The following DLGAP2 variants were observed in gnomAD, a reference collection of about 807,000 sequenced individuals.
The protein encoded by DLGAP2 is disks large-associated protein 2.
Under a neutral mutation model 100.3 loss-of-function variants are expected in DLGAP2, and 26 were observed. The observed-to-expected ratio is 0.26, with a 90% CI of 0.19 to 0.36. DLGAP2 has a LOEUF of 0.36. DLGAP2 is among the 10% of genes least tolerant of loss of function. DLGAP2 has a pLI of 1.00. For synonymous variants in DLGAP2, 886 were observed against 630.1 expected, an observed-to-expected ratio of 1.41 and a Z score of -6.08; for missense variants, 1,858 against 1,453.2, an observed-to-expected ratio of 1.28 and a Z score of -4.53.
At chr8:764,837 C>G (rs1821171328) in intron 1 of DLGAP2, among the ~76,000 whole-genome samples, 1 of 152,242 alleles carries the variant, frequency 6.6e-6, no homozygotes, top group South Asian at 2.1e-4. Flanking sequence ...ATACTAGCCA[C>G]AGAACTTTAA....
chr8:956,076 G>C (rs2129008875), intron 2 of DLGAP2, among the ~76,000 whole-genome samples: 1 of 152,256 alleles, frequency 6.6e-6, no homozygotes, highest in African/African-American at 2.4e-5. Context: ...TTTTGAGGAT[G>C]GTTACCAACA....
At chr8:1,529,593 G>T (rs1032842570) in intron 4 of DLGAP2, among the ~76,000 whole-genome samples, 5 of 152,176 alleles carry the variant, frequency 3.3e-5, no homozygotes, top group Non-Finnish European at 7.3e-5. Flanking sequence ...TCAAACCCAA[G>T]GCAGGGACTC....
At chr8:1,172,871 TC>T (rs1411004602) in intron 2 of DLGAP2, among the ~76,000 whole-genome samples, 2 of 152,226 alleles carry the variant, frequency 1.3e-5, no homozygotes, top group African/African-American at 4.8e-5. Context: ...GAACCCTTCT[TC>T]TCTCATCTCG....
At chr8:1,102,285 AT>A (rs1804610575) in intron 2 of DLGAP2, among the ~76,000 whole-genome samples, 1 of 147,752 alleles carries the variant, frequency 6.8e-6, no homozygotes, top group Non-Finnish European at 1.5e-5. Flanking sequence ...AATATATAAT[AT>A]AAAAATTACA....
chr8:1,464,259 T>TTCCAGGAAAGCACCTG, intron 3 of DLGAP2, among the ~76,000 whole-genome samples: 1 of 115,542 alleles, frequency 8.7e-6, no homozygotes, highest in Non-Finnish European at 1.8e-5. Context: ...GACGGCTCCC[T>TTCCAGGAAAGCACCTG]TCCAGGACGG....
intron 3 of DLGAP2, among the ~76,000 whole-genome samples, chr8:1,364,482 G>A (rs1802060537): frequency 6.8e-6 from 1 of 148,038 alleles, no homozygotes; most frequent in Non-Finnish European, 1.5e-5. Context: ...GAGGGAGGCG[G>A]GCGCCGGTCA....
At chr8:1,468,114 CA>C (rs1798675508) in intron 3 of DLGAP2, among the ~76,000 whole-genome samples, 1 of 152,232 alleles carries the variant, frequency 6.6e-6, no homozygotes, top group Admixed American at 6.5e-5. Context: ...GACCCAGGGT[CA>C]CAGGAGCAGG....
intron 2 of DLGAP2, among the ~76,000 whole-genome samples, chr8:1,162,152 C>G (rs1796905249): frequency 1.3e-5 from 2 of 152,186 alleles, no homozygotes; most frequent in Admixed American, 1.3e-4. Flanking sequence ...GGAAGCCCTC[C>G]CGGCAGCAGG....
chr8:809,990 G>A (rs1222219770), intron 1 of DLGAP2, among the ~76,000 whole-genome samples: 1 of 152,212 alleles, frequency 6.6e-6, no homozygotes, highest in Non-Finnish European at 1.5e-5. Flanking sequence ...TCAGCTCTGG[G>A]ACTAACTCTG....
chr8:1,135,577 CA>C (rs1796392483), intron 2 of DLGAP2, among the ~76,000 whole-genome samples: 1 of 117,136 alleles, frequency 8.5e-6, no homozygotes, highest in Admixed American at 1.3e-4. Context: ...TGCGGTCTTT[CA>C]GGAGACGGAG....
At chr8:1,628,371 A>T (rs190198982) in intron 7 of DLGAP2, among the ~76,000 whole-genome samples, 2 of 109,592 alleles carry the variant, frequency 1.8e-5, no homozygotes, top group South Asian at 3.3e-4. Flanking sequence ...AGCTTGAGCC[A>T]ACCTCACATT....
intron 2 of DLGAP2, among the ~76,000 whole-genome samples, chr8:1,070,620 A>C (rs546229449): frequency 5.5e-4 from 84 of 152,254 alleles, no homozygotes; most frequent in Middle Eastern, 3.4e-3. Context: ...TTTCACATAC[A>C]TACGCGTATG....
intron 2 of DLGAP2, among the ~76,000 whole-genome samples, chr8:1,030,432 C>G (rs1021863269): frequency 6.6e-6 from 1 of 152,154 alleles, no homozygotes; most frequent in African/African-American, 2.4e-5. Flanking sequence ...GATACAGAAT[C>G]CAAAGGTGCC....
chr8:1,254,926 T>G (rs1251965411), intron 2 of DLGAP2, among the ~76,000 whole-genome samples: 1 of 151,220 alleles, frequency 6.6e-6, no homozygotes, highest in Non-Finnish European at 1.5e-5. Flanking sequence ...AGGTGCTGTG[T>G]GTGTGCCCTC....
intron 3 of DLGAP2, among the ~76,000 whole-genome samples, chr8:1,353,286 G>C (rs1229714262): frequency 6.6e-6 from 1 of 152,228 alleles, no homozygotes; most frequent in East Asian, 1.9e-4. Flanking sequence ...GGGACAGACG[G>C]TCCTGGCTCA....
chr8:1,370,787 G>T (rs2129704558), intron 3 of DLGAP2, among the ~76,000 whole-genome samples: 1 of 152,302 alleles, frequency 6.6e-6, no homozygotes, highest in South Asian at 2.1e-4. Context: ...CCACTGCCTG[G>T]CCTGGGGCAA....
At chr8:776,534 G>T (rs1821520756) in intron 1 of DLGAP2, among the ~76,000 whole-genome samples, 1 of 152,162 alleles carries the variant, frequency 6.6e-6, no homozygotes, top group African/African-American at 2.4e-5. Flanking sequence ...GCGTCCCAGA[G>T]ATTCTGGTAT....
chr8:999,020 T>C (rs1305214096), intron 2 of DLGAP2, among the ~76,000 whole-genome samples: 1 of 152,174 alleles, frequency 6.6e-6, no homozygotes, highest in African/African-American at 2.4e-5. Context: ...CATTGCTGCC[T>C]CCAGATGAAC....
chr8:1,236,264 TGCCGTTTCTAGTTCTCTCACATGGC>T (rs1798652140), intron 2 of DLGAP2, among the ~76,000 whole-genome samples: 1 of 15,238 alleles, frequency 6.6e-5, no homozygotes. Flanking sequence ...TCTCACATGG[TGCCGTTTCTAGTTCTCTCACATGGC>T]GCCGTGTCTA....
Sources: allele counts gnomAD v4.1 joint callset (sites outside exome capture counted in the v4.1 genomes callset), GRCh38; gene constraint gnomAD v4.1.1; transcripts MANE v1.5; gene names NCBI Gene and HGNC (gene_info 2026-07-23, HGNC 2026-07-21).